Variants in TMEM117 observed in about 807,000 individuals in gnomAD.
TMEM117 encodes the protein transmembrane protein 117.
In TMEM117, 27 loss-of-function variants were observed where a neutral mutation model predicts 52.4. The ratio of observed to expected loss-of-function variants is 0.51; its 90% CI spans 0.38 to 0.71. The LOEUF (loss-of-function observed/expected upper bound fraction) is 0.71, where lower values mean the gene tolerates loss of function less well. Ranked by LOEUF, TMEM117 falls within the 30% of genes least tolerant of loss-of-function variation. The probability of loss-of-function intolerance (pLI) is 0.00; values close to 1 mark genes in which losing one functional copy is unlikely to be tolerated. For missense variants in TMEM117, 556 were observed against 630.5 expected (o/e 0.88, Z 1.26); for synonymous variants, 215 against 206.3 (o/e 1.04, Z -0.36).
chr12:43,967,131 TC>T (rs745391389), intron 3 of TMEM117, among the ~76,000 whole-genome samples: 9 of 16,458 alleles, frequency 5.5e-4, no homozygotes, highest in Admixed American at 2.3e-3. Context: ...TACTTCTTCT[TC>T]TTTTTTTTTT....
rs751323200 is a variant in TMEM117 at position 44,091,512 on chromosome 12, A to G, written c.411-52013A>G. ...TAGAGTGCACAGTGTAATTTGTACA[A>G]TGTCAAACTTCAAAGAACAATTTAT... On this transcript the variant is annotated intron_variant, in intron 3 of 7. Coordinates refer to ENST00000266534, the MANE Select transcript of TMEM117 (RefSeq NM_032256.3). Among the ~76,000 whole-genome samples the G allele has an allele frequency of 3.3e-5, 5 of 152,338 alleles. No homozygotes were observed. In the East Asian group the frequency reaches 5.8e-4, roughly 18 times the overall value.
intron 6 of TMEM117, among the ~76,000 whole-genome samples, chr12:44,363,729 T>G (rs1951753867): frequency 6.6e-6 from 1 of 152,194 alleles, no homozygotes. Context: ...AGAAGAGATT[T>G]GAAGAGCTCT....
At chr12:44,163,285 C>T (rs1238018921) in intron 4 of TMEM117, among the ~76,000 whole-genome samples, 2 of 152,134 alleles carry the variant, frequency 1.3e-5, no homozygotes, top group Admixed American at 1.3e-4. Flanking sequence ...CTTCTTAATA[C>T]CTTTTGTCTA....
chr12:44,171,357 A>G (rs1949043854), intron 4 of TMEM117, among the ~76,000 whole-genome samples: 1 of 152,158 alleles, frequency 6.6e-6, no homozygotes, highest in South Asian at 2.1e-4. Flanking sequence ...TGAGACTTAC[A>G]CAAATATCCT....
intron 2 of TMEM117, among the ~76,000 whole-genome samples, chr12:43,885,879 G>A (rs1943984691): frequency 6.6e-6 from 1 of 152,190 alleles, no homozygotes; most frequent in African/African-American, 2.4e-5. Flanking sequence ...ATAGGTAGAA[G>A]TTAGCTAAGT....
intron 5 of TMEM117, among the ~76,000 whole-genome samples, chr12:44,258,456 T>C (rs555300283): frequency 6.6e-6 from 1 of 152,110 alleles, no homozygotes; most frequent in Non-Finnish European, 1.5e-5. Context: ...TCATGACATA[T>C]GGTGTGTATT....
At chr12:44,258,549 A>G (rs1469618890) in intron 5 of TMEM117, among the ~76,000 whole-genome samples, 1 of 152,226 alleles carries the variant, frequency 6.6e-6, no homozygotes, top group African/African-American at 2.4e-5. Context: ...TTAAATTCTT[A>G]ACAGAAGAAA....
intron 4 of TMEM117, among the ~76,000 whole-genome samples, chr12:44,147,201 G>A (rs1468313359): frequency 1.3e-5 from 2 of 152,204 alleles, no homozygotes; most frequent in Admixed American, 1.3e-4. Flanking sequence ...GCTATGGGCA[G>A]GATCAGAGAA....
rs74404187 is a variant in TMEM117, at chr12:43,883,433, A to G, written c.277+38505A>G. ...CTATGAAATAGCTGAGATCTTAAAT[A>G]CTGAGAACAAAATAGATTTCTCATA... On this transcript the variant is annotated intron_variant, in intron 2 of 7. Coordinates refer to ENST00000266534, the MANE Select transcript of TMEM117 (RefSeq NM_032256.3). 1.4e-4 allele frequency among the ~76,000 whole-genome samples: 21 copies of G among 152,348 alleles called. No homozygotes were observed. In the East Asian group the frequency reaches 3.7e-3, roughly 27 times the overall value.
At chr12:43,863,571 T>C (rs1943527792) in intron 2 of TMEM117, among the ~76,000 whole-genome samples, 1 of 152,210 alleles carries the variant, frequency 6.6e-6, no homozygotes, top group Non-Finnish European at 1.5e-5. Flanking sequence ...TGGAAAGTAA[T>C]AGAGCAAATC....
At chr12:43,874,272 A>G (rs542405569) in intron 2 of TMEM117, among the ~76,000 whole-genome samples, 3 of 152,314 alleles carry the variant, frequency 2.0e-5, no homozygotes, top group South Asian at 4.1e-4. Context: ...GTAAGAGGTC[A>G]GAAAGTTATA....
At chr12:43,843,598 C>T (rs576252404) in intron 1 of TMEM117, among the ~76,000 whole-genome samples, 1 of 152,312 alleles carries the variant, frequency 6.6e-6, no homozygotes, top group East Asian at 1.9e-4. Context: ...TTTTGCAGTG[C>T]TCTGTGCCTT....
the TMEM117 span, among the ~76,000 whole-genome samples, chr12:43,820,808 G>A: frequency 9.2e-5 from 14 of 151,884 alleles, no homozygotes; most frequent in East Asian, 5.8e-4. Context: ...CTTTCTATAA[G>A]AAGCATAAAG....
chr12:43,902,308 T>C (rs1944317060), intron 2 of TMEM117, among the ~76,000 whole-genome samples: 1 of 152,190 alleles, frequency 6.6e-6, no homozygotes, highest in Non-Finnish European at 1.5e-5. Context: ...ATAATGGTTT[T>C]ATCAGAACAA....
chr12:44,226,497 A>ATGTGTGTGTGTGTGTGTG (rs1949862000), intron 5 of TMEM117, among the ~76,000 whole-genome samples: 1 of 134,054 alleles, frequency 7.5e-6, no homozygotes, highest in South Asian at 2.3e-4. Context: ...ATATAAATAT[A>ATGTGTGTGTGTGTGTGTG]TATATGTGTG....
At chr12:44,214,138 A>ATTTTTTTTTTTTT (rs773352634) in intron 5 of TMEM117, among the ~76,000 whole-genome samples, 3 of 99,280 alleles carry the variant, frequency 3.0e-5, no homozygotes, top group Non-Finnish European at 4.1e-5. Flanking sequence ...TTTTTTTTTA[A>ATTTTTTTTTTTTT]TTTTTTTTTT....
chr12:44,367,461 G>T (rs1463081566), intron 6 of TMEM117, among the ~76,000 whole-genome samples: 2 of 151,986 alleles, frequency 1.3e-5, no homozygotes, highest in Non-Finnish European at 2.9e-5. Context: ...ACTTTCTCTT[G>T]TTCTTCTTCT....
At chr12:44,398,881 C>T in the TMEM117 span, among the ~76,000 whole-genome samples, 1 of 152,062 alleles carries the variant, frequency 6.6e-6, no homozygotes, top group African/African-American at 2.4e-5. Flanking sequence ...TTATTTGTGT[C>T]ATTATGAGTT....
intron 3 of TMEM117, among the ~76,000 whole-genome samples, chr12:43,966,839 C>T (rs1592400067): frequency 6.6e-6 from 1 of 152,146 alleles, no homozygotes; most frequent in Admixed American, 6.5e-5. Flanking sequence ...AATTTGATTG[C>T]ATTTTCTGTG....
Sources: allele counts gnomAD v4.1 joint callset (sites outside exome capture counted in the v4.1 genomes callset), GRCh38; gene constraint gnomAD v4.1.1; transcripts MANE v1.5; gene names NCBI Gene and HGNC (gene_info 2026-07-23, HGNC 2026-07-21).